The following MCMBP variants were observed in gnomAD, a reference collection of about 807,000 sequenced individuals.
MCMBP encodes minichromosome maintenance complex binding protein, also known as mini-chromosome maintenance complex-binding protein.
Under a neutral mutation model 81.3 loss-of-function variants are expected in MCMBP, and 31 were observed. That is an observed-to-expected ratio of 0.38 (90% confidence interval 0.29 to 0.51). The LOEUF (loss-of-function observed/expected upper bound fraction) is 0.51. Among genes scored for constraint, MCMBP ranks in the 20% least tolerant of loss-of-function variants. MCMBP has a pLI of 0.87. For missense variants in MCMBP, 645 were observed against 772.1 expected (o/e 0.84, Z 1.95); for synonymous variants, 267 against 275.9 (o/e 0.97, Z 0.32).
intron 2 of MCMBP, 46 bp downstream of exon 2, chr10:119,859,753 G>A (rs1488171555): frequency 4.5e-6 from 6 of 1,325,744 alleles, no homozygotes; most frequent in Admixed American, 3.9e-5. Flanking sequence ...AAGAGAAACT[G>A]TATAGTCTGT....
rs1459716719 is a variant in MCMBP, at chr10:119,838,720, A to G, written c.1243-20T>C. 6.3e-7 allele frequency: 1 copy of G among 1,582,216 alleles called. No homozygotes were observed. The highest frequency in any genetic ancestry group is 1.1e-5 in the South Asian group (1 of 87,526). ...AAAAGACTGCAAAGAGAAATTTTTT[A>G]GTGAACAAGAATTTAAGTTTCCCTG... On this transcript the variant is annotated intron_variant, in intron 11 of 15. Coordinates refer to ENST00000369077, the MANE Select transcript of MCMBP (RefSeq NM_001256378.2).
chr10:119,847,659 T>C lies in MCMBP; in HGVS notation c.781A>G (p.Ile261Val), dbSNP rs754959020. The C allele has an allele frequency of 1.9e-6, 3 of 1,612,258 alleles. No homozygotes were observed. The highest frequency in any genetic ancestry group is 3.3e-5 in the Admixed American group (2 of 59,988). Residue 261 changes from isoleucine to valine, a missense_variant, in exon 8 of 16, where the codon ATA becomes GTA. Ile to Val is a conservative substitution (Grantham distance 29). Coordinates refer to ENST00000369077, the MANE Select transcript of MCMBP (RefSeq NM_001256378.2). ...CTCAGCACAGGATCCACAGACAGTATGCCATATAGCTCAAGAATGTCATTT... is the reference window on the plus strand; with the variant it reads ...CTCAGCACAGGATCCACAGACAGTACGCCATATAGCTCAAGAATGTCATTT... ...KVNDILELYG[I>V]LSVDPVLSIL...
chr10:119,845,708 A>C (rs1411644016), intron 8 of MCMBP, among the ~76,000 whole-genome samples: 3 of 152,220 alleles, frequency 2.0e-5, no homozygotes, highest in African/African-American at 7.2e-5. Context: ...ACACAGCTGC[A>C]TTCTAAAATA....
chr10:119,849,415 G>A lies in MCMBP; in HGVS notation c.726+10C>T. 1 of 1,603,534 alleles carries A rather than the reference G, an allele frequency of 6.2e-7. No homozygotes were observed. The highest frequency in any genetic ancestry group is 8.5e-7 in the Non-Finnish European group (1 of 1,177,108). ...CATTTCAGTGTTGGATCTACGAAAG[G>A]TTTTATTACCTTCACAAGGCATGCA... On this transcript the variant is annotated intron_variant, in intron 7 of 15. Coordinates refer to ENST00000369077, the MANE Select transcript of MCMBP (RefSeq NM_001256378.2).
chr10:119,849,718 C>G (rs1589787882), intron 6 of MCMBP, 142 bp from the exon 7 acceptor site: 1 of 645,320 alleles, frequency 1.5e-6, no homozygotes, highest in Non-Finnish European at 2.5e-6. Flanking sequence ...TTTAAGGAAA[C>G]AGCACATACT....
At chr10:119,868,707 G>C (rs1023476294) in intron 1 of MCMBP, among the ~76,000 whole-genome samples, 2 of 152,100 alleles carry the variant, frequency 1.3e-5, no homozygotes, top group African/African-American at 4.8e-5. Context: ...TATATAATAG[G>C]ATCCTGCAGT....
At position 119,851,942 on chromosome 10, in the gene MCMBP, C is replaced by T. The variant is rs117478028; in HGVS notation, c.574+1108G>A. Reference sequence around the variant, plus strand: ...CCGAGGCAAGTGGATCATCTGATGTCGGGAGCTCAAGACCAGCCTGACCAA... The same window carrying T: ...CCGAGGCAAGTGGATCATCTGATGTTGGGAGCTCAAGACCAGCCTGACCAA... On this transcript the variant is annotated intron_variant, in intron 6 of 15. Coordinates refer to ENST00000369077, the MANE Select transcript of MCMBP (RefSeq NM_001256378.2). 2.0e-3 allele frequency among the ~76,000 whole-genome samples: 303 copies of T among 151,990 alleles called. 7 individuals are homozygous for T. The East Asian group carries it at 0.05, about 25-fold the overall frequency.
chr10:119,871,679 T>G lies in MCMBP; in HGVS notation c.58+848A>C, dbSNP rs536944595. 3.3e-5 allele frequency among the ~76,000 whole-genome samples: 5 copies of G among 152,264 alleles called. No homozygotes were observed. The East Asian group carries it at 9.6e-4, about 29-fold the overall frequency. ...GGCCGCTCTACAACTCTAAGTTAAC[T>G]CCAGACAAGTCAGGTGTTGCCATCT... On this transcript the variant is annotated intron_variant, in intron 1 of 15. Transcript: ENST00000369077.
chr10:119,831,244 CTAAT>C lies in MCMBP; in HGVS notation c.*226_*229del. 2 of 279,052 alleles carry C rather than the reference CTAAT, an allele frequency of 7.2e-6. No homozygotes were observed. The highest frequency in any genetic ancestry group is 1.5e-4 in the South Asian group (2 of 13,184). 17.3% of individuals were successfully genotyped at this position (279,052 alleles called of 1,614,324 possible). ...ATCAAATACTTTTTTTACATCATTA[CTAAT>C]TTATATAATTATTATAAAACAAACT... On this transcript the variant is annotated 3_prime_UTR_variant, in exon 16 of 16. Transcript: ENST00000369077.
chr10:119,847,801 A>G, intron 7 of MCMBP, 88 bp from the exon 8 acceptor site: 1 of 682,102 alleles, frequency 1.5e-6, no homozygotes, highest in South Asian at 2.2e-5. Flanking sequence ...TTGGAATTTT[A>G]GATCAGGAAA....
At chr10:119,860,155 T>G (rs1039138052) in intron 1 of MCMBP, among the ~76,000 whole-genome samples, 1 of 152,188 alleles carries the variant, frequency 6.6e-6, no homozygotes, top group African/African-American at 2.4e-5. Flanking sequence ...GCACCCACAG[T>G]GTAGCTGGGG....
chr10:119,859,692 CATTA>C (rs1414821919), intron 2 of MCMBP, 103 bp downstream of exon 2: 1 of 682,414 alleles, frequency 1.5e-6, no homozygotes, highest in African/African-American at 1.8e-5. Flanking sequence ...AGCAGAAGTA[CATTA>C]ATTTACATAT....
intron 13 of MCMBP, 89 bp from the exon 14 acceptor site, chr10:119,835,793 A>G: frequency 2.9e-6 from 4 of 1,360,682 alleles, no homozygotes; most frequent in Non-Finnish European, 4.1e-6. Flanking sequence ...GTCAGCCCCT[A>G]TGGGAATTAG....
chr10:119,842,765 T>A, intron 9 of MCMBP, 170 bp from the exon 10 acceptor site: 2 of 631,670 alleles, frequency 3.2e-6, no homozygotes, highest in Non-Finnish European at 4.9e-6. Context: ...GTTTGCATCC[T>A]CCTTTTTTTT....
Position 119,838,579 on chromosome 10 carries a change from A to G in MCMBP, c.1364T>C (p.Val455Ala), listed in dbSNP as rs1281991588. 6.2e-7 allele frequency: 1 copy of G among 1,614,196 alleles called. No individual in the cohort carries two copies. Among genetic ancestry groups the G allele is most frequent in the Admixed American group, 1.7e-5 (1 of 60,028 alleles). The change falls in exon 12 of 16, where the codon GTA becomes GCA. Residue 455 changes from valine to alanine, a missense_variant. Physicochemically the swap from Val to Ala is moderately conservative, Grantham distance 64. Coordinates refer to ENST00000369077, the MANE Select transcript of MCMBP (RefSeq NM_001256378.2). ...LLQLPSNTSLVIDETLLEQGQ... is the reference protein window; with the variant it reads ...LLQLPSNTSLAIDETLLEQGQ... Reference sequence around the variant, plus strand: ...CTGTTCCAGGAGAGTCTCATCGATTACAAGGGAAGTATTGCTGGGCAGCTG... The same window carrying G: ...CTGTTCCAGGAGAGTCTCATCGATTGCAAGGGAAGTATTGCTGGGCAGCTG...
intron 10 of MCMBP, among the ~76,000 whole-genome samples, chr10:119,841,528 T>C (rs1852432027): frequency 6.6e-6 from 1 of 152,212 alleles, no homozygotes; most frequent in African/African-American, 2.4e-5. Flanking sequence ...TCATGAAGCA[T>C]TATGATGGGA....
chr10:119,845,809 T>C (rs1213371543), intron 8 of MCMBP, among the ~76,000 whole-genome samples: 2 of 152,196 alleles, frequency 1.3e-5, no homozygotes, highest in South Asian at 2.1e-4. Context: ...CTTCTGTATA[T>C]GGTAGAAATG....
intron 6 of MCMBP, among the ~76,000 whole-genome samples, chr10:119,851,508 T>C (rs1852823733): frequency 6.6e-6 from 1 of 152,158 alleles, no homozygotes. Context: ...CTCAGCTCAC[T>C]GCAACCTCCG....
chr10:119,853,268 T>A, intron 5 of MCMBP, 74 bp from the exon 6 acceptor site: 1 of 1,459,398 alleles, frequency 6.9e-7, no homozygotes, highest in Non-Finnish European at 9.3e-7. Flanking sequence ...ATATGACTTA[T>A]AAAAAATTAC....
Sources: allele counts gnomAD v4.1 joint callset (sites outside exome capture counted in the v4.1 genomes callset), GRCh38; gene constraint gnomAD v4.1.1; transcripts MANE v1.5; gene names NCBI Gene and HGNC (gene_info 2026-07-23, HGNC 2026-07-21).